The following FAM107A variants were observed in gnomAD, a reference collection of about 807,000 sequenced individuals.
The protein encoded by FAM107A is family with sequence similarity 107 member A.
FAM107A carries 19 observed loss-of-function variants against 13.7 expected under a neutral mutation model. The ratio of observed to expected loss-of-function variants is 1.38; its 90% confidence interval spans 0.97 to 2.03. The LOEUF is 2.03. FAM107A is among the 30% of genes most tolerant of loss of function. The pLI is 0.00. For missense variants in FAM107A, 203 were observed against 184.4 expected (o/e 1.10, Z -0.58); for synonymous variants, 82 against 74.5 (o/e 1.10, Z -0.52).
At chr3:58,592,894 C>T (rs1212584517) in intron 1 of FAM107A, among the ~76,000 whole-genome samples, 3 of 152,220 alleles carry the variant, frequency 2.0e-5, no homozygotes, top group Non-Finnish European at 4.4e-5. Flanking sequence ...TTCTAGGCAA[C>T]TATCTTCCAG....
At chr3:58,623,199 A>G (rs1344299909) in intron 1 of FAM107A, among the ~76,000 whole-genome samples, 1 of 152,190 alleles carries the variant, frequency 6.6e-6, no homozygotes, top group Non-Finnish European at 1.5e-5. Context: ...CATTCATCAA[A>G]TTTAGCCATA....
intron 1 of FAM107A, among the ~76,000 whole-genome samples, chr3:58,612,529 G>A (rs928904091): frequency 2.6e-5 from 4 of 151,544 alleles, no homozygotes; most frequent in African/African-American, 9.7e-5. Flanking sequence ...GAAGTGAGCC[G>A]TGATCACACC....
intron 1 of FAM107A, chr3:58,570,522 C>T (rs1409879846): frequency 1.4e-5 from 3 of 219,300 alleles, no homozygotes; most frequent in African/African-American, 7.1e-5. Flanking sequence ...AATTCAGACA[C>T]AAGGGCTCCC....
chr3:58,592,481 GAGGCCTTTCCCAC>G (rs2065661849), intron 1 of FAM107A, among the ~76,000 whole-genome samples: 1 of 152,200 alleles, frequency 6.6e-6, no homozygotes, highest in African/African-American at 2.4e-5. Context: ...TGGATAGGTA[GAGGCCTTTCCCAC>G]AGGGTCTGAG....
intron 1 of FAM107A, among the ~76,000 whole-genome samples, chr3:58,598,168 G>C (rs1389458596): frequency 6.6e-6 from 1 of 152,194 alleles, no homozygotes; most frequent in Non-Finnish European, 1.5e-5. Context: ...AAGCCACCCT[G>C]TTGTGAGGTG....
chr3:58,626,122 G>A (rs1201941965), intron 1 of FAM107A, among the ~76,000 whole-genome samples: 1 of 152,212 alleles, frequency 6.6e-6, no homozygotes, highest in African/African-American at 2.4e-5. Flanking sequence ...ATGCCACTGG[G>A]ATGGCAGTAC....
chr3:58,567,433 T>A (rs7637862), intron 2 of FAM107A, 69 bp from the exon 3 acceptor site: 8 of 1,508,930 alleles, frequency 5.3e-6, no homozygotes, highest in Non-Finnish European at 5.4e-6. Context: ...CAGGGCTGCT[T>A]CCTGCGGTGA....
upstream of FAM107A, chr3:58,589,302 G>A: frequency 7.0e-7 from 1 of 1,436,754 alleles, no homozygotes; most frequent in Non-Finnish European, 9.5e-7. Flanking sequence ...TGGAGTTGAG[G>A]ACCCTTGGTT....
At chr3:58,598,825 T>C (rs548119425) in intron 1 of FAM107A, among the ~76,000 whole-genome samples, 2 of 152,340 alleles carry the variant, frequency 1.3e-5, no homozygotes, top group Admixed American at 1.3e-4. Context: ...TTGGTATATG[T>C]AGATCCACCT....
chr3:58,623,003 C>T (rs928260037), intron 1 of FAM107A, among the ~76,000 whole-genome samples: 9 of 152,116 alleles, frequency 5.9e-5, no homozygotes, highest in African/African-American at 2.2e-4. Flanking sequence ...GTGAGCGCCT[C>T]CTGATGAGGT....
rs994299692 is a variant in FAM107A, at chr3:58,617,525, G to C, written c.-70+9891C>G. On this transcript the variant is annotated intron_variant, in intron 1 of 3. Coordinates refer to the FAM107A transcript ENST00000465970. The surrounding 1 kb of genome is among the most constrained non-coding windows in gnomAD (Gnocchi z 4.5). Reference sequence around the variant, plus strand: ...GTTCCAGCTCCTCGCCTTTCTCTCCGCCCCAGGCCCTGAGATCTGATCTCT... The same window carrying C: ...GTTCCAGCTCCTCGCCTTTCTCTCCCCCCCAGGCCCTGAGATCTGATCTCT... 6.6e-6 allele frequency among the ~76,000 whole-genome samples: 1 copy of C among 151,978 alleles called. No homozygotes were observed. Among genetic ancestry groups the C allele is most frequent in the African/African-American group, 2.4e-5 (1 of 41,352 alleles).
chr3:58,601,864 G>A (rs2065755339), intron 1 of FAM107A, among the ~76,000 whole-genome samples: 1 of 152,218 alleles, frequency 6.6e-6, no homozygotes, highest in Non-Finnish European at 1.5e-5. Context: ...GGCAAAAACT[G>A]ATATTTTCGT....
chr3:58,602,669 C>T (rs1429437528), intron 1 of FAM107A, among the ~76,000 whole-genome samples: 1 of 152,076 alleles, frequency 6.6e-6, no homozygotes, highest in Non-Finnish European at 1.5e-5. Flanking sequence ...TGTCCACTAT[C>T]TATTTAGAAA....
At chr3:58,583,358 CATGCCTGTA>C (rs2065568823) in intron 1 of FAM107A, among the ~76,000 whole-genome samples, 1 of 152,146 alleles carries the variant, frequency 6.6e-6, no homozygotes, top group Non-Finnish European at 1.5e-5. Context: ...TGCGGTGGCT[CATGCCTGTA>C]ATCCCAGCAC....
chr3:58,609,465 T>C (rs2065832022), intron 1 of FAM107A, among the ~76,000 whole-genome samples: 1 of 152,244 alleles, frequency 6.6e-6, no homozygotes, highest in Non-Finnish European at 1.5e-5. Context: ...TTTATTTTTC[T>C]AGTCTTCTTC....
In FAM107A at chr3:58,567,371, T is replaced by G; in HGVS notation, c.171-7A>C. The G allele has an allele frequency of 6.2e-7, 1 of 1,607,664 alleles. No homozygotes were observed. The highest frequency in any genetic ancestry group is 8.5e-7 in the Non-Finnish European group (1 of 1,177,460). On this transcript the variant is annotated splice_polypyrimidine_tract_variant and splice_region_variant and intron_variant, in intron 2 of 3. Coordinates refer to ENST00000360997, the MANE Select transcript of FAM107A (RefSeq NM_001076778.3). ...GCTGTCCACACCAAGGCCCCTGGGG[T>G]GGGAAGTGGGGAGCTGTCAGGAGAC...
intron 1 of FAM107A, among the ~76,000 whole-genome samples, chr3:58,626,680 T>G (rs1261842485): frequency 6.6e-5 from 10 of 152,138 alleles, no homozygotes; most frequent in Admixed American, 6.5e-4. Flanking sequence ...GGGGAAGGGG[T>G]ACCCAGGGAG....
chr3:58,600,558 A>AGG (rs2065745030), intron 1 of FAM107A, among the ~76,000 whole-genome samples: 1 of 152,238 alleles, frequency 6.6e-6, no homozygotes, highest in African/African-American at 2.4e-5. Context: ...AGCCCAGGTC[A>AGG]GCCTGGCTCC....
intron 1 of FAM107A, among the ~76,000 whole-genome samples, chr3:58,598,642 T>G (rs867051595): frequency 6.6e-6 from 1 of 152,210 alleles, no homozygotes; most frequent in Non-Finnish European, 1.5e-5. Flanking sequence ...TCGGAACAAC[T>G]CAGTTGCATA....
Sources: gnomAD v4.1 joint callset for allele counts (sites outside exome capture counted in the v4.1 genomes callset) on GRCh38, gnomAD v4.1.1 for gene constraint, Gnocchi (gnomAD v3.1) non-coding constraint, MANE v1.5 for transcripts, NCBI Gene and HGNC (gene_info 2026-07-23, HGNC 2026-07-21) for gene names.